Variants in GABRB1 observed in about 807,000 individuals in gnomAD.
GABRB1 encodes gamma-aminobutyric acid type A receptor subunit beta1.
GABRB1 carries 17 observed loss-of-function variants against 51.6 expected under a neutral mutation model. The ratio of observed to expected loss-of-function variants is 0.33; its 90% CI spans 0.23 to 0.49. GABRB1 has a LOEUF of 0.49. GABRB1 is among the 20% of genes least tolerant of loss of function. The pLI is 0.99. For missense variants in GABRB1, 410 were observed against 600.6 expected, an observed-to-expected ratio of 0.68 and a Z score of 3.32; for synonymous variants, 247 against 218.9, an observed-to-expected ratio of 1.13 and a Z score of -1.14.
intron 4 of GABRB1, among the ~76,000 whole-genome samples, chr4:47,242,619 A>T (rs1048559103): frequency 6.6e-6 from 1 of 152,272 alleles, no homozygotes; most frequent in East Asian, 1.9e-4. Flanking sequence ...GTTTTGATTT[A>T]CATTTCTCTG....
intron 3 of GABRB1, among the ~76,000 whole-genome samples, chr4:47,078,626 T>C (rs1242482597): frequency 6.6e-6 from 1 of 152,168 alleles, no homozygotes. Context: ...TCTTACGAGA[T>C]TACTTTGATC....
At chr4:47,028,464 T>G (rs147734033), upstream of GABRB1, among the ~76,000 whole-genome samples, 5 of 151,964 alleles carry the variant, frequency 3.3e-5, no homozygotes, top group East Asian at 9.6e-4. Context: ...TATTAGACAT[T>G]TATTTCTCTC....
chr4:47,325,613 T>C (rs1578095666), intron 5 of GABRB1, among the ~76,000 whole-genome samples: 1 of 152,162 alleles, frequency 6.6e-6, no homozygotes, highest in Non-Finnish European at 1.5e-5. Flanking sequence ...CAATAGACTT[T>C]GTTTCTGGCA....
intron 1 of GABRB1, among the ~76,000 whole-genome samples, chr4:47,016,748 C>G (rs986175503): frequency 1.3e-5 from 2 of 151,904 alleles, no homozygotes; most frequent in African/African-American, 4.8e-5. Flanking sequence ...ACCACCATGC[C>G]CAGGCTAATT....
chr4:47,197,361 C>T (rs1719724301), intron 4 of GABRB1, among the ~76,000 whole-genome samples: 1 of 152,042 alleles, frequency 6.6e-6, no homozygotes, highest in Non-Finnish European at 1.5e-5. Context: ...GTCTCTGATC[C>T]CTCCCACTCT....
At chr4:47,279,393 A>C (rs924743211) in intron 4 of GABRB1, among the ~76,000 whole-genome samples, 5 of 152,142 alleles carry the variant, frequency 3.3e-5, no homozygotes, top group Admixed American at 1.3e-4. Context: ...GTGCATTGTA[A>C]GTATTCAGGA....
At chr4:47,325,256 G>A (rs1725218269) in intron 5 of GABRB1, among the ~76,000 whole-genome samples, 2 of 152,128 alleles carry the variant, frequency 1.3e-5, no homozygotes, top group Admixed American at 1.3e-4. Flanking sequence ...CCAACATGGT[G>A]AAACCCCGTT....
At chr4:47,312,482 T>G (rs1724728627) in intron 4 of GABRB1, among the ~76,000 whole-genome samples, 1 of 152,178 alleles carries the variant, frequency 6.6e-6, no homozygotes, top group Non-Finnish European at 1.5e-5. Context: ...CTCTCATCAG[T>G]TTCTTTGTGT....
chr4:47,003,345 C>A (rs1177656350), intron 1 of GABRB1, among the ~76,000 whole-genome samples: 1 of 152,120 alleles, frequency 6.6e-6, no homozygotes, highest in Admixed American at 6.5e-5. Context: ...CTAATGGTTT[C>A]TTTTCATGAC....
intron 4 of GABRB1, among the ~76,000 whole-genome samples, chr4:47,319,674 T>C (rs1000936043): frequency 6.6e-6 from 1 of 152,228 alleles, no homozygotes; most frequent in African/African-American, 2.4e-5. Flanking sequence ...TGTCTGGCTT[T>C]GGAATTAGAG....
upstream of GABRB1, chr4:47,031,488 G>T (rs1440786510): frequency 3.2e-6 from 2 of 630,012 alleles, no homozygotes; most frequent in Non-Finnish European, 5.7e-6. Flanking sequence ...GAAATCTGTT[G>T]CCTGTTCCAC....
chr4:47,078,742 T>C (rs1727681528), intron 3 of GABRB1, among the ~76,000 whole-genome samples: 1 of 152,230 alleles, frequency 6.6e-6, no homozygotes, highest in African/African-American at 2.4e-5. Flanking sequence ...TCTTGCCATT[T>C]AATTCCAACT....
chr4:47,207,690 G>A (rs1404087998), intron 4 of GABRB1, among the ~76,000 whole-genome samples: 1 of 38,432 alleles, frequency 2.6e-5, no homozygotes, highest in East Asian at 6.2e-4. Flanking sequence ...AGTCACAGGA[G>A]CCATATTCAC....
At chr4:47,204,647 T>C (rs1423264889) in intron 4 of GABRB1, among the ~76,000 whole-genome samples, 2 of 152,154 alleles carry the variant, frequency 1.3e-5, no homozygotes, top group African/African-American at 2.4e-5. Flanking sequence ...TTTCCCGTCC[T>C]ATTCTCATAG....
At position 47,051,672 on chromosome 4, in the gene GABRB1, G is replaced by C. The variant is rs192451606; in HGVS notation, c.240+19188G>C. 2.7e-3 allele frequency among the ~76,000 whole-genome samples: 404 copies of C among 152,290 alleles called. 1 individual carries two copies. Among genetic ancestry groups the C allele is most frequent in the African/African-American group, 9.3e-3 (385 of 41,564 alleles). On this transcript the variant is annotated intron_variant, in intron 3 of 8. Transcript: ENST00000295454. ...GTATTTGAGACCAGAATGATAATAA[G>C]AGTTCAGAAGAAACAATAAGAGCCA... is the stretch of plus-strand genomic sequence containing the variant.
intron 8 of GABRB1, among the ~76,000 whole-genome samples, chr4:47,410,109 A>C (rs534203665): frequency 6.6e-6 from 1 of 152,366 alleles, no homozygotes; most frequent in East Asian, 1.9e-4. Context: ...TTTTGAATTA[A>C]AGGAGAACGA....
chr4:47,362,985 G>A (rs10517185), intron 5 of GABRB1, among the ~76,000 whole-genome samples: 7,329 of 151,890 alleles, frequency 0.048, 267 homozygotes, highest in South Asian at 0.15. Context: ...GGTACCTGAA[G>A]CACCAGACTG....
intron 8 of GABRB1, among the ~76,000 whole-genome samples, chr4:47,416,437 G>T (rs904981827): frequency 6.6e-6 from 1 of 151,634 alleles, no homozygotes; most frequent in Non-Finnish European, 1.5e-5. Flanking sequence ...GATATAAATA[G>T]ACATCATTTG....
intron 5 of GABRB1, among the ~76,000 whole-genome samples, chr4:47,386,608 G>T (rs943507916): frequency 1.2e-4 from 18 of 152,224 alleles, no homozygotes; most frequent in Admixed American, 1.0e-3. Flanking sequence ...AGCTCCATTA[G>T]CATGTATAAA....
Sources: gnomAD v4.1 joint callset for allele counts (sites outside exome capture counted in the v4.1 genomes callset) on GRCh38, gnomAD v4.1.1 for gene constraint, MANE v1.5 for transcripts, NCBI Gene and HGNC (gene_info 2026-07-23, HGNC 2026-07-21) for gene names.